The following ZMYM5 variants were observed in gnomAD, a reference collection of about 807,000 sequenced individuals.
ZMYM5 encodes the protein zinc finger MYM-type protein 5.
In ZMYM5, 41 loss-of-function variants were observed where a neutral mutation model predicts 61.8. The observed-to-expected ratio is 0.66, with a 90% CI of 0.52 to 0.86. The LOEUF is 0.86. Among genes scored for constraint, ZMYM5 ranks in the 40% least tolerant of loss-of-function variants. The pLI is 0.00. For synonymous variants in ZMYM5, 257 were observed against 276.4 expected, an observed-to-expected ratio of 0.93 and a Z score of 0.70; for missense variants, 706 against 786.7, an observed-to-expected ratio of 0.90 and a Z score of 1.23.
At chr13:19,863,412 C>G (rs183383535) in intron 1 of ZMYM5, 38 bp downstream of exon 1, 2 of 152,030 alleles carry the variant, frequency 1.3e-5, no homozygotes, top group Non-Finnish European at 2.9e-5. Context: ...TGGGAGCCTC[C>G]GGAGGCTGCT....
chr13:19,840,853 A>G (rs929145788), intron 4 of ZMYM5, among the ~76,000 whole-genome samples: 1 of 151,526 alleles, frequency 6.6e-6, no homozygotes, highest in Non-Finnish European at 1.5e-5. Context: ...AATTTTTTGT[A>G]TTTTTAGTAG....
At chr13:19,848,658 T>C (rs1452513683) in intron 4 of ZMYM5, among the ~76,000 whole-genome samples, 1 of 152,082 alleles carries the variant, frequency 6.6e-6, no homozygotes, top group Non-Finnish European at 1.5e-5. Context: ...CTCAGCCTCC[T>C]GAGTAACTGG....
intron 4 of ZMYM5, among the ~76,000 whole-genome samples, chr13:19,840,671 G>A (rs927366376): frequency 6.6e-6 from 1 of 151,876 alleles, no homozygotes; most frequent in African/African-American, 2.4e-5. Flanking sequence ...ACCACACCTG[G>A]CCACTTTTTT....
At position 19,856,119 on chromosome 13, in the gene ZMYM5, A is replaced by C. The variant is rs181912812; in HGVS notation, c.-10-3929T>G. Among the ~76,000 whole-genome samples, 8 of 152,328 alleles carry C rather than the reference A, an allele frequency of 5.3e-5. No homozygotes were observed. The East Asian group carries it at 1.5e-3, about 29-fold the overall frequency. On this transcript the variant is annotated intron_variant, in intron 2 of 7. Coordinates refer to ENST00000337963, the MANE Select transcript of ZMYM5 (RefSeq NM_001142684.2). ...AACCATGAAAAACTTTAATTCTAAAAACACAAGACCATAAGAAAATTTTGA... is the reference window on the plus strand; with the variant it reads ...AACCATGAAAAACTTTAATTCTAAACACACAAGACCATAAGAAAATTTTGA...
At chr13:19,859,893 C>G (rs994544639) in intron 2 of ZMYM5, among the ~76,000 whole-genome samples, 1 of 150,378 alleles carries the variant, frequency 6.6e-6, no homozygotes, top group Admixed American at 6.6e-5. Flanking sequence ...TCACTTAGGT[C>G]AGGAGTTCGA....
Position 19,833,857 on chromosome 13 carries a change from C to T in ZMYM5, c.1251+1620G>A, listed in dbSNP as rs758435485. Among the ~76,000 whole-genome samples the T allele has an allele frequency of 4.8e-4, 73 of 152,118 alleles. 4 individuals carry two copies. Among genetic ancestry groups the T allele is most frequent in the Non-Finnish European group, 1.6e-4 (11 of 68,032 alleles). ...CAAATCAGTCTGAAAGAAAATCTTC[C>T]GGCCAGGCACAATGGCTCATGCCTA... On this transcript the variant is annotated intron_variant, in intron 7 of 7. Coordinates refer to ENST00000337963, the MANE Select transcript of ZMYM5 (RefSeq NM_001142684.2).
chr13:19,834,016 G>A (rs1439432258), intron 7 of ZMYM5, among the ~76,000 whole-genome samples: 1 of 152,062 alleles, frequency 6.6e-6, no homozygotes, highest in Non-Finnish European at 1.5e-5. Context: ...TGCTCTTGCT[G>A]CCCAGGCTGG....
intron 5 of ZMYM5, 53 bp from the exon 6 acceptor site, chr13:19,837,874 G>C (rs1309431871): frequency 4.6e-6 from 7 of 1,518,564 alleles, no homozygotes; most frequent in Non-Finnish European, 5.3e-6. Flanking sequence ...TTTAATACAA[G>C]TCAAATATAT....
chr13:19,834,717 G>A (rs1452586196), intron 7 of ZMYM5, among the ~76,000 whole-genome samples: 1 of 151,968 alleles, frequency 6.6e-6, no homozygotes, highest in Admixed American at 6.6e-5. Context: ...TTGAGACAGA[G>A]TCTTGCTCTG....
intron 4 of ZMYM5, among the ~76,000 whole-genome samples, chr13:19,843,125 G>GT (rs374752573): frequency 0.016 from 2,252 of 143,558 alleles, 38 homozygotes; most frequent in African/African-American, 0.043. Flanking sequence ...AGATTTAACA[G>GT]TTTTTTTTTT....
chr13:19,848,873 C>T (rs1011129263), intron 4 of ZMYM5, among the ~76,000 whole-genome samples: 14 of 151,854 alleles, frequency 9.2e-5, no homozygotes, highest in South Asian at 2.1e-4. Context: ...TACAGGTGCA[C>T]GCCACTATAC....
intron 4 of ZMYM5, among the ~76,000 whole-genome samples, chr13:19,850,907 A>G (rs1326422695): frequency 6.6e-6 from 1 of 152,172 alleles, no homozygotes; most frequent in Non-Finnish European, 1.5e-5. Context: ...AAAATATTCT[A>G]TCTTAATATG....
chr13:19,829,984 A>T (rs1891121182), intron 7 of ZMYM5, among the ~76,000 whole-genome samples: 1 of 152,136 alleles, frequency 6.6e-6, no homozygotes, highest in Non-Finnish European at 1.5e-5. Flanking sequence ...GGACAAGATG[A>T]TTATTTGTTG....
At chr13:19,860,888 G>A (rs1048280363) in intron 2 of ZMYM5, among the ~76,000 whole-genome samples, 1 of 151,656 alleles carries the variant, frequency 6.6e-6, no homozygotes, top group East Asian at 2.0e-4. Flanking sequence ...CTCAGGTGGG[G>A]GGGGGGGAAT....
At position 19,835,520 on chromosome 13, in the gene ZMYM5, T is replaced by G; in HGVS notation, c.1208A>C (p.Gln403Pro). Residue 403 changes from glutamine to proline, a missense_variant, in exon 7 of 8, where the codon CAG becomes CCG. Transcript: ENST00000337963. Reference protein sequence around the residue: ...GNNILVIGGQQKRFCCQSCIN... With the variant: ...GNNILVIGGQPKRFCCQSCIN... ...ACAACTTTGGCAGCAAAATCTCTTC[T>G]GCTGACCTCCAATCACCAGGATGTT... The G allele has an allele frequency of 7.3e-7, 1 of 1,367,718 alleles. No individual in the cohort carries two copies. The highest frequency in any genetic ancestry group is 9.8e-7 in the Non-Finnish European group (1 of 1,021,852). 84.7% of individuals were successfully genotyped at this position (1,367,718 alleles called of 1,614,324 possible). A position where few individuals can be genotyped will look rare whatever the true frequency, so the allele number is the denominator to read the frequency against.
At chr13:19,827,668 G>T (rs1193885598) in intron 7 of ZMYM5, among the ~76,000 whole-genome samples, 1 of 151,818 alleles carries the variant, frequency 6.6e-6, no homozygotes, top group African/African-American at 2.4e-5. Flanking sequence ...TTGTAATAAA[G>T]ACACATTACC....
chr13:19,840,885 G>C (rs6490488), intron 4 of ZMYM5, among the ~76,000 whole-genome samples: 97,600 of 151,700 alleles, frequency 0.64, 34,960 homozygotes, highest in East Asian at 0.89. Flanking sequence ...CACCGTATTA[G>C]CCAGGATGGT....
chr13:19,835,178 A>G (rs866780900), intron 7 of ZMYM5, among the ~76,000 whole-genome samples: 1 of 152,090 alleles, frequency 6.6e-6, no homozygotes, highest in Non-Finnish European at 1.5e-5. Flanking sequence ...AATTTTTAGT[A>G]GAGATTACGT....
At chr13:19,826,757 T>TA (rs34298303) in intron 7 of ZMYM5, among the ~76,000 whole-genome samples, 324 of 128,768 alleles carry the variant, frequency 2.5e-3, no homozygotes, top group Admixed American at 2.8e-3. Flanking sequence ...TCCGTCTCGT[T>TA]AAAAAAAAAA....
Sources: allele counts gnomAD v4.1 joint callset (sites outside exome capture counted in the v4.1 genomes callset), GRCh38; gene constraint gnomAD v4.1.1; transcripts MANE v1.5; gene names NCBI Gene and HGNC (gene_info 2026-07-23, HGNC 2026-07-21).